The following DYM variants were observed in gnomAD, a reference collection of about 807,000 sequenced individuals.
The protein encoded by DYM is dyggve-Melchior-Clausen syndrome protein.
DYM carries 78 observed loss-of-function variants against 93.1 expected under a neutral mutation model. That is an observed-to-expected ratio of 0.84 (90% confidence interval 0.70 to 1.01). The LOEUF is 1.01. DYM is among the 50% of genes least tolerant of loss of function. The pLI, the probability that DYM is intolerant of heterozygous loss-of-function variation, is 0.00. For synonymous variants in DYM, 321 were observed against 319.7 expected (o/e 1.00, Z -0.04); for missense variants, 789 against 845.0 (o/e 0.93, Z 0.82).
intron 12 of DYM, among the ~76,000 whole-genome samples, 163 bp downstream of exon 12, chr18:49,258,217 C>T (rs1327881691): frequency 6.6e-6 from 1 of 152,126 alleles, no homozygotes; most frequent in Admixed American, 6.5e-5. Context: ...ATATTAAGAC[C>T]TTATGTTACA....
At chr18:49,413,434 T>C (rs2072524545) in intron 2 of DYM, among the ~76,000 whole-genome samples, 1 of 152,070 alleles carries the variant, frequency 6.6e-6, no homozygotes, top group Non-Finnish European at 1.5e-5. Flanking sequence ...CGTTAGCGAA[T>C]CCTTTTAGCA....
At chr18:49,345,160 C>G (rs958826957) in intron 6 of DYM, among the ~76,000 whole-genome samples, 3 of 152,146 alleles carry the variant, frequency 2.0e-5, no homozygotes, top group Non-Finnish European at 2.9e-5. Flanking sequence ...CTCTACTACC[C>G]TTTGCATGTG....
intron 7 of DYM, among the ~76,000 whole-genome samples, 192 bp from the exon 8 acceptor site, chr18:49,332,198 C>T (rs909024074): frequency 1.3e-5 from 2 of 152,172 alleles, no homozygotes; most frequent in Admixed American, 1.3e-4. Context: ...GAGGCTTAAT[C>T]CTTGCTTTTC....
chr18:49,335,151 G>A (rs1040635081), intron 6 of DYM, among the ~76,000 whole-genome samples: 1 of 151,998 alleles, frequency 6.6e-6, no homozygotes, highest in African/African-American at 2.4e-5. Context: ...ATTTAAAAAT[G>A]ACATATAAAA....
chr18:49,372,126 G>A (rs1331676549), intron 5 of DYM, among the ~76,000 whole-genome samples: 1 of 151,978 alleles, frequency 6.6e-6, no homozygotes, highest in East Asian at 1.9e-4. Flanking sequence ...GTATATTATC[G>A]ACCCCACTCT....
intron 6 of DYM, among the ~76,000 whole-genome samples, chr18:49,347,327 G>C (rs1271432505): frequency 6.6e-6 from 1 of 151,914 alleles, no homozygotes; most frequent in African/African-American, 2.4e-5. Context: ...TTGGATTTTT[G>C]AATAATATAA....
At chr18:49,363,698 A>G (rs1428200101) in intron 5 of DYM, among the ~76,000 whole-genome samples, 1 of 152,202 alleles carries the variant, frequency 6.6e-6, no homozygotes, top group Non-Finnish European at 1.5e-5. Context: ...GGTACCTTTT[A>G]TGAACCTCTG....
intron 13 of DYM, among the ~76,000 whole-genome samples, chr18:49,237,923 G>C (rs1010772850): frequency 6.9e-6 from 1 of 145,076 alleles, no homozygotes; most frequent in Admixed American, 6.9e-5. Context: ...TTTTACAGCT[G>C]CACACTACTA....
At chr18:49,383,779 C>T (rs1463938107) in intron 3 of DYM, among the ~76,000 whole-genome samples, 1 of 152,126 alleles carries the variant, frequency 6.6e-6, no homozygotes, top group Non-Finnish European at 1.5e-5. Flanking sequence ...GCAGTCACAG[C>T]CCAAGCTTAT....
intron 5 of DYM, among the ~76,000 whole-genome samples, chr18:49,378,014 A>G (rs78448703): frequency 0.08 from 12,169 of 152,264 alleles, 775 homozygotes; most frequent in East Asian, 0.31. Context: ...GAAAGGAAAG[A>G]TTGTGTGAAG....
chr18:49,084,506 GCTGT>G (rs1418385013), intron 17 of DYM, among the ~76,000 whole-genome samples: 1 of 152,074 alleles, frequency 6.6e-6, no homozygotes, highest in Non-Finnish European at 1.5e-5. Flanking sequence ...CTATATTCTT[GCTGT>G]CTTTCTATCT....
At chr18:49,178,444 T>C (rs999372064) in intron 14 of DYM, among the ~76,000 whole-genome samples, 1 of 152,160 alleles carries the variant, frequency 6.6e-6, no homozygotes, top group African/African-American at 2.4e-5. Context: ...CCTAAAAGTC[T>C]GCAATAGCAA....
At chr18:49,310,714 TGTTAATTCAATAC>T (rs887368666) in intron 8 of DYM, among the ~76,000 whole-genome samples, 2 of 152,192 alleles carry the variant, frequency 1.3e-5, no homozygotes, top group African/African-American at 4.8e-5. Context: ...ATTAGTACCT[TGTTAATTCAATAC>T]ACTATAGAAA....
intron 14 of DYM, among the ~76,000 whole-genome samples, chr18:49,205,451 T>C (rs2092423489): frequency 1.3e-5 from 2 of 151,886 alleles, no homozygotes; most frequent in Non-Finnish European, 2.9e-5. Context: ...TTATTACAGA[T>C]TGCCATAGTA....
chr18:49,218,991 A>C (rs1316688683), intron 13 of DYM, among the ~76,000 whole-genome samples: 1 of 152,224 alleles, frequency 6.6e-6, no homozygotes, highest in Non-Finnish European at 1.5e-5. Flanking sequence ...AGGATCAACA[A>C]AATTGATAGA....
At chr18:49,413,940 G>A (rs1423961852) in intron 2 of DYM, among the ~76,000 whole-genome samples, 1 of 152,012 alleles carries the variant, frequency 6.6e-6, no homozygotes, top group Non-Finnish European at 1.5e-5. Context: ...AACCCAGGAG[G>A]CGGAGGTTAC....
intron 2 of DYM, chr18:49,418,097 G>A (rs11663141): frequency 0.31 from 46,543 of 148,514 alleles, 8,565 homozygotes; most frequent in Middle Eastern, 0.46. Context: ...AGCCTTTAAG[G>A]ACAAGAGACA....
chr18:49,134,913 C>T (rs781028210), intron 15 of DYM, among the ~76,000 whole-genome samples: 64 of 152,272 alleles, frequency 4.2e-4, no homozygotes, highest in South Asian at 2.3e-3. Context: ...TCGAGACCAG[C>T]CTGGTCAACA....
rs2070878126 is a variant in DYM, at chr18:49,040,693, C to T, written c.*3362G>A. On this transcript the variant is annotated 3_prime_UTR_variant, in exon 18 of 18. Coordinates refer to ENST00000675505, the MANE Select transcript of DYM (RefSeq NM_001353214.3). ...TAGTGCCTAGGAAAGAATTAAGAGA[C>T]CCAAAGGGTTGACCTTGCAGAGACT... Among the ~76,000 whole-genome samples, 1 of 152,120 alleles carries T rather than the reference C, an allele frequency of 6.6e-6. No individual in the cohort carries two copies. The highest frequency in any genetic ancestry group is 2.4e-5 in the African/African-American group (1 of 41,420).
Sources: allele counts gnomAD v4.1 joint callset (sites outside exome capture counted in the v4.1 genomes callset), GRCh38; gene constraint gnomAD v4.1.1; transcripts MANE v1.5; gene names NCBI Gene and HGNC (gene_info 2026-07-23, HGNC 2026-07-21).